TRIM9: variants seen among roughly 807,000 people sequenced by gnomAD.
TRIM9 encodes the protein E3 ubiquitin-protein ligase TRIM9.
A neutral mutation model predicts 78.3 loss-of-function variants in TRIM9; 26 were observed. The observed-to-expected ratio is 0.33, with a 90% CI of 0.24 to 0.46. The LOEUF is 0.46. TRIM9 is among the 20% of genes least tolerant of loss of function. TRIM9 has a pLI of 1.00. For synonymous variants in TRIM9, 398 were observed against 416.5 expected (o/e 0.96, Z 0.54); for missense variants, 787 against 1,036.4 (o/e 0.76, Z 3.30).
At chr14:50,987,175 AAAT>A (rs1365256153) in intron 7 of TRIM9, among the ~76,000 whole-genome samples, 4 of 152,230 alleles carry the variant, frequency 2.6e-5, no homozygotes, top group Non-Finnish European at 4.4e-5. Context: ...CTTCTCATTG[AAAT>A]AATAATTTTG....
intron 1 of TRIM9, among the ~76,000 whole-genome samples, chr14:51,046,752 C>T (rs143985473): frequency 6.6e-6 from 1 of 152,148 alleles, no homozygotes; most frequent in African/African-American, 2.4e-5. Flanking sequence ...AAACCCTGGG[C>T]AAATTAAAAA....
chr14:51,052,463 T>C (rs1404153012), intron 1 of TRIM9, among the ~76,000 whole-genome samples: 5 of 152,222 alleles, frequency 3.3e-5, no homozygotes, highest in Non-Finnish European at 7.3e-5. Flanking sequence ...CCTGGAGTTA[T>C]TTATTTTTGG....
Position 51,009,204 on chromosome 14 carries a change from G to C in TRIM9, c.1182C>G (p.His394Gln). The change falls in exon 5 of 13, where the codon CAC becomes CAG. Residue 394 changes from histidine (H) to glutamine (Q), a missense_variant. By Grantham distance (24) the His-to-Gln change is conservative. This residue lies in a region of TRIM9 where 421 missense variants were observed against 514.3 expected (regional missense o/e 0.82). Transcript: ENST00000684578. ...QISDALIRRV[H>Q]LTEDQWGKGT... ...CTTTACCCCACTGATCCTCAGTCAGGTGCACTCTTCTTATGAGGGCGTCAG... is the reference window on the plus strand; with the variant it reads ...CTTTACCCCACTGATCCTCAGTCAGCTGCACTCTTCTTATGAGGGCGTCAG... 3 of 1,613,982 alleles carry C rather than the reference G, an allele frequency of 1.9e-6. No individual in the cohort carries two copies. The highest frequency in any genetic ancestry group is 2.5e-6 in the Non-Finnish European group (3 of 1,179,938).
chr14:51,023,040 G>A, intron 2 of TRIM9, 83 bp from the exon 3 acceptor site: 9 of 1,563,298 alleles, frequency 5.8e-6, no homozygotes, highest in Non-Finnish European at 7.8e-6. Flanking sequence ...CCATCCTGCT[G>A]AAGGGAATGA....
Position 51,080,565 on chromosome 14 carries a change from T to C in TRIM9, c.822+13553A>G, listed in dbSNP as rs537564510. ...AAAAAGGGGTCTTGGCAATATGTAC[T>C]GTGTCACTTGGGTGATTTAATGTTC... On this transcript the variant is annotated intron_variant, in intron 1 of 12. Coordinates refer to ENST00000684578, the MANE Select transcript of TRIM9 (RefSeq NM_001387360.1). 1.9e-4 allele frequency among the ~76,000 whole-genome samples: 29 copies of C among 152,278 alleles called. No individual in the cohort carries two copies. In the South Asian group the frequency reaches 4.1e-3, roughly 22 times the overall value.
chr14:51,009,572 TC>T (rs1431487066), intron 4 of TRIM9, among the ~76,000 whole-genome samples: 2 of 152,350 alleles, frequency 1.3e-5, no homozygotes, highest in South Asian at 2.1e-4. Context: ...CTAGTTAATT[TC>T]TATTAGAATC....
intron 1 of TRIM9, among the ~76,000 whole-genome samples, chr14:51,053,687 G>A (rs1311516561): frequency 4.8e-5 from 7 of 147,066 alleles, no homozygotes; most frequent in South Asian, 2.1e-4. Flanking sequence ...ATGTTGGTGC[G>A]CTGCACCCAC....
rs926075640 is a variant in TRIM9 at position 51,049,832 on chromosome 14, A to T, written c.823-24472T>A. On this transcript the variant is annotated intron_variant, in intron 1 of 12. Transcript: ENST00000684578. ...AGAGCGAGACTCTGTCTCAAAAAAAAAAATAAAATAAAATAAAAATAAAAA... is the reference window on the plus strand; with the variant it reads ...AGAGCGAGACTCTGTCTCAAAAAAATAAATAAAATAAAATAAAAATAAAAA... Among the ~76,000 whole-genome samples the T allele has an allele frequency of 2.6e-5, 4 of 151,642 alleles. No homozygotes were observed. In the South Asian group the frequency reaches 6.2e-4, roughly 24 times the overall value.
intron 7 of TRIM9, chr14:50,996,825 C>CTCAGCA: frequency 1.0e-6 from 1 of 985,452 alleles, no homozygotes; most frequent in Non-Finnish European, 1.2e-6. Flanking sequence ...GGCATTTTCC[C>CTCAGCA]TCAGCATATC....
chr14:51,091,580 C>T (rs1320960373), intron 1 of TRIM9, among the ~76,000 whole-genome samples: 2 of 152,196 alleles, frequency 1.3e-5, no homozygotes, highest in East Asian at 3.8e-4. Flanking sequence ...AACACATTAA[C>T]TTCCTTATTA....
Position 51,017,804 on chromosome 14 carries a change from T to TG in TRIM9, c.1041+5030dup, listed in dbSNP as rs1329961940. ...CTTTGATTGGCATTGCCAAAGTGAG[T>TG]GGGGGGGCTGTTCAGGGGTGTGATT... On this transcript the variant is annotated intron_variant, in intron 3 of 12. Coordinates refer to ENST00000684578, the MANE Select transcript of TRIM9 (RefSeq NM_001387360.1). Among the ~76,000 whole-genome samples the TG allele has an allele frequency of 1.1e-4, 17 of 151,872 alleles. No individual in the cohort carries two copies. In the East Asian group the frequency reaches 2.5e-3, roughly 23 times the overall value.
At chr14:51,070,884 C>T (rs1267092885) in intron 1 of TRIM9, among the ~76,000 whole-genome samples, 2 of 152,160 alleles carry the variant, frequency 1.3e-5, no homozygotes, top group Non-Finnish European at 2.9e-5. Flanking sequence ...ACTCACATTC[C>T]TAGACGTTTT....
rs200045628 is a variant in TRIM9 at position 51,083,423 on chromosome 14, T to TA, written c.822+10694dup. 7.6e-5 allele frequency among the ~76,000 whole-genome samples: 10 copies of TA among 131,072 alleles called. 1 individual carries two copies. The highest frequency in any genetic ancestry group is 4.5e-4 in the South Asian group (2 of 4,418). The allele number at this position is 131,072 out of a possible 152,430, so 86.0% of individuals were successfully genotyped here. On this transcript the variant is annotated intron_variant, in intron 1 of 12. Transcript: ENST00000684578. ...GCATGCGCCACCATGCCCAGCTAAT[T>TA]AAAAAAAATTTTTTTTTTAGAGATC...
intron 1 of TRIM9, among the ~76,000 whole-genome samples, chr14:51,070,428 T>C (rs1054877825): frequency 6.6e-6 from 1 of 152,212 alleles, no homozygotes; most frequent in Non-Finnish European, 1.5e-5. Context: ...TATTCATTAA[T>C]TCAGTGTACT....
chr14:51,025,297 C>T lies in TRIM9; in HGVS notation c.886G>A (p.Val296Ile). The T allele has an allele frequency of 6.2e-7, 1 of 1,614,194 alleles. No individual in the cohort carries two copies. Among genetic ancestry groups the T allele is most frequent in the South Asian group, 1.1e-5 (1 of 91,080 alleles). Residue 296 changes from valine to isoleucine, a missense_variant, in exon 2 of 13, where the codon GTA becomes ATA. By Grantham distance (29) the Val-to-Ile change is conservative. Around this residue, in one of 3 missense-constraint regions of TRIM9, gnomAD observed 352 missense variants for 472.3 expected, o/e 0.75. Coordinates refer to ENST00000684578, the MANE Select transcript of TRIM9 (RefSeq NM_001387360.1). ...DRAKEAKEFL[V>I]QLRNMVQQIQ... ...TGCTGGACCATGTTGCGCAGCTGTACCAGAAACTCCTTGGCTTCTTTGGCC... is the reference window on the plus strand; with the variant it reads ...TGCTGGACCATGTTGCGCAGCTGTATCAGAAACTCCTTGGCTTCTTTGGCC...
intron 1 of TRIM9, among the ~76,000 whole-genome samples, chr14:51,086,035 A>G (rs553143396): frequency 1.3e-5 from 2 of 152,306 alleles, no homozygotes; most frequent in South Asian, 2.1e-4. Flanking sequence ...TCTTTTCTAA[A>G]TTTATTTTGT....
At chr14:51,093,958 CA>C (rs1004646108) in intron 1 of TRIM9, among the ~76,000 whole-genome samples, 159 bp downstream of exon 1, 63 of 152,380 alleles carry the variant, frequency 4.1e-4, no homozygotes, top group African/African-American at 1.5e-3. Flanking sequence ...AAGATTCCCC[CA>C]TGCCTCCTGC....
At chr14:51,060,528 A>G (rs769716224) in intron 1 of TRIM9, among the ~76,000 whole-genome samples, 9 of 151,994 alleles carry the variant, frequency 5.9e-5, no homozygotes, top group Non-Finnish European at 1.2e-4. Context: ...GTGCAGTGGC[A>G]CGATCTCGGC....
intron 12 of TRIM9, 44 bp downstream of exon 12, chr14:50,979,343 G>A (rs538160773): frequency 1.6e-5 from 26 of 1,613,970 alleles, no homozygotes; most frequent in South Asian, 4.4e-5. Flanking sequence ...CCTTTGAACC[G>A]GTAGCCAGCA....
Sources: gnomAD v4.1 joint callset for allele counts (sites outside exome capture counted in the v4.1 genomes callset) on GRCh38, gnomAD v4.1.1 for gene constraint, gnomAD v4.1.1 regional missense constraint, MANE v1.5 for transcripts, NCBI Gene and HGNC (gene_info 2026-07-23, HGNC 2026-07-21) for gene names.